SLC34A1: variants seen among roughly 807,000 people sequenced by gnomAD.
SLC34A1 encodes solute carrier family 34 member 1.
In SLC34A1, 57 loss-of-function variants were observed where a neutral mutation model predicts 51.4. The observed-to-expected ratio is 1.11, with a 90% confidence interval of 0.90 to 1.38. The LOEUF (loss-of-function observed/expected upper bound fraction) is 1.38, where lower values mean the gene tolerates loss of function less well. Ranked by LOEUF, SLC34A1 falls within the 40% of genes most tolerant of loss-of-function variation. SLC34A1 has a pLI of 0.00. For synonymous variants in SLC34A1, 368 were observed against 358.0 expected, an observed-to-expected ratio of 1.03 and a Z score of -0.32; for missense variants, 796 against 835.6, an observed-to-expected ratio of 0.95 and a Z score of 0.58.
rs545546226 is a variant in SLC34A1, at chr5:177,398,414, C to T, written c.*128C>T. 3.7e-4 allele frequency: 399 copies of T among 1,090,364 alleles called. 1 individual carries two copies. The highest frequency in any genetic ancestry group is 7.8e-4 in the East Asian group (33 of 42,556). The allele number at this position is 1,090,364 out of a possible 1,614,324, so 67.5% of individuals were successfully genotyped here. ...GTGCCAGTCTCTCCTTCTGTAGCTC[C>T]GCAAAGCTCTGGGCTTGTGTGAGAG... On this transcript the variant is annotated 3_prime_UTR_variant, in exon 13 of 13. Transcript: ENST00000324417. This position sits in a 1 kb window ranked among gnomAD's most constrained non-coding sequence, Gnocchi z 4.7.
intron 10 of SLC34A1, among the ~76,000 whole-genome samples, chr5:177,395,355 C>A (rs950664184): frequency 5.9e-5 from 9 of 152,076 alleles, no homozygotes; most frequent in Admixed American, 1.3e-4. Flanking sequence ...TGAACAGACA[C>A]AAGTAGCCAC....
Position 177,396,134 on chromosome 5 carries a change from A to C in SLC34A1, c.1175-599A>C, listed in dbSNP as rs150225747. 2.3e-3 allele frequency among the ~76,000 whole-genome samples: 350 copies of C among 152,172 alleles called. 4 individuals carry two copies. Among genetic ancestry groups the C allele is most frequent in the African/African-American group, 8.2e-3 (341 of 41,492 alleles). On this transcript the variant is annotated intron_variant, in intron 10 of 12. Transcript: ENST00000324417. The surrounding 1 kb of genome is among the most constrained non-coding windows in gnomAD (Gnocchi z 4.0). ...GGAGGGGCTGCATGACAAGTACTAG[A>C]ATAAGGGGTATCATGGGGCTGTGGG... is the stretch of plus-strand genomic sequence containing the variant.
At position 177,386,358 on chromosome 5, in the gene SLC34A1, CG is replaced by C. The variant is rs1762572314; in HGVS notation, c.388+12del. On this transcript the variant is annotated intron_variant, in intron 4 of 12. Transcript: ENST00000324417. The surrounding 1 kb of genome is among the most constrained non-coding windows in gnomAD (Gnocchi z 4.8). ...CTTCCAGCTGGCTGGAGGTAGGGCC[CG>C]GGTGGAGGAGACCTGGGAGGGGTTC... 6.2e-7 allele frequency: 1 copy of C among 1,614,118 alleles called. No individual in the cohort carries two copies. Among genetic ancestry groups the C allele is most frequent in the African/African-American group, 1.3e-5 (1 of 74,954 alleles).
chr5:177,390,224 A>C lies in SLC34A1; in HGVS notation c.936+1852A>C, dbSNP rs114166872. 1,196 of 993,318 alleles carry C rather than the reference A, an allele frequency of 1.2e-3. 12 individuals are homozygous for C. The African/African-American group carries it at 0.018, about 15-fold the overall frequency. The allele number at this position is 993,318 out of a possible 1,614,324, so 61.5% of individuals were successfully genotyped here. A position where few individuals can be genotyped will look rare whatever the true frequency, so the allele number is the denominator to read the frequency against. On this transcript the variant is annotated intron_variant, in intron 8 of 12. Transcript: ENST00000324417. ...GCACCAGGGAGAGGAGGCAAGTCCAAGGCCTACCAGATGGGGAAAGCAGCA... is the reference window on the plus strand; with the variant it reads ...GCACCAGGGAGAGGAGGCAAGTCCACGGCCTACCAGATGGGGAAAGCAGCA...
chr5:177,393,824 G>A, intron 9 of SLC34A1, 61 bp downstream of exon 9: 1 of 1,567,938 alleles, frequency 6.4e-7, no homozygotes, highest in Non-Finnish European at 8.8e-7. Flanking sequence ...GCAGTGGCAG[G>A]GCAATCCCAC....
At chr5:177,392,921 T>C (rs1484918435) in intron 8 of SLC34A1, among the ~76,000 whole-genome samples, 4 of 152,166 alleles carry the variant, frequency 2.6e-5, no homozygotes, top group Non-Finnish European at 5.9e-5. Context: ...CTGGCCCAGA[T>C]TGGGAGATTT....
rs1762587997 is a variant in SLC34A1 at position 177,386,712 on chromosome 5, C to A, written c.532+146C>A. The A allele has an allele frequency of 1.5e-5, 14 of 941,962 alleles. No homozygotes were observed. Among genetic ancestry groups the A allele is most frequent in the Non-Finnish European group, 1.7e-5 (10 of 605,588 alleles). The allele number at this position is 941,962 out of a possible 1,614,324, so 58.4% of individuals were successfully genotyped here. A position where few individuals can be genotyped will look rare whatever the true frequency, so the allele number is the denominator to read the frequency against. On this transcript the variant is annotated intron_variant, in intron 5 of 12. Transcript: ENST00000324417. This position sits in a 1 kb window ranked among gnomAD's most constrained non-coding sequence, Gnocchi z 4.8. ...AGCCAGGGACATGAGAGGAGCCCAA[C>A]TGTAGCTGTATGTGACCCAGATGAT...
Position 177,397,799 on chromosome 5 carries a change from T to G in SLC34A1, c.1433T>G (p.Phe478Cys). 1 of 1,611,068 alleles carries G rather than the reference T, an allele frequency of 6.2e-7. No individual in the cohort carries two copies. The highest frequency in any genetic ancestry group is 1.1e-5 in the South Asian group (1 of 91,072). The change falls in exon 13 of 13, where the codon TTC becomes TGC. Residue 478 changes from phenylalanine to cysteine, a missense_variant. Phe to Cys is a radical substitution (Grantham distance 205, BLOSUM62 -2). Transcript: ENST00000324417. ...SSAFQIALCHFFFNISGILLW... is the reference protein window; with the variant it reads ...SSAFQIALCHCFFNISGILLW... Reference sequence around the variant, plus strand: ...CCCCTGCAGATTGCCCTCTGTCACTTCTTCTTCAACATCTCGGGTATCCTT... The same window carrying G: ...CCCCTGCAGATTGCCCTCTGTCACTGCTTCTTCAACATCTCGGGTATCCTT...
intron 1 of SLC34A1, among the ~76,000 whole-genome samples, chr5:177,384,862 CA>C (rs56057645): frequency 0.16 from 14,309 of 86,884 alleles, 1,024 homozygotes; most frequent in African/African-American, 0.29. Flanking sequence ...AACTCCATCT[CA>C]AAAAAAAAAA....
At position 177,388,472 on chromosome 5, in the gene SLC34A1, A is replaced by C; in HGVS notation, c.936+100A>C. 1 of 1,043,312 alleles carries C rather than the reference A, an allele frequency of 9.6e-7. No homozygotes were observed. Among genetic ancestry groups the C allele is most frequent in the African/African-American group, 1.6e-5 (1 of 63,798 alleles). The allele number at this position is 1,043,312 out of a possible 1,614,324, so 64.6% of individuals were successfully genotyped here. A position where few individuals can be genotyped will look rare whatever the true frequency, so the allele number is the denominator to read the frequency against. ...TCCAGATAGACCTTGAAGATCATTTAGCCAGGAGAGGGCAAATATGTGGCC... is the reference window on the plus strand; with the variant it reads ...TCCAGATAGACCTTGAAGATCATTTCGCCAGGAGAGGGCAAATATGTGGCC... On this transcript the variant is annotated intron_variant, in intron 8 of 12. Coordinates refer to ENST00000324417, the MANE Select transcript of SLC34A1 (RefSeq NM_003052.5). This position sits in a 1 kb window ranked among gnomAD's most constrained non-coding sequence, Gnocchi z 4.3.
At chr5:177,389,548 A>G in intron 8 of SLC34A1, 1 of 1,500,396 alleles carries the variant, frequency 6.7e-7, no homozygotes, top group Non-Finnish European at 9.0e-7. Flanking sequence ...CGCTGACTTC[A>G]TGACCTCTTT....
Position 177,398,834 on chromosome 5 carries a change from A to ACT in SLC34A1, c.*548_*549insCT. 1 of 163,966 alleles carries ACT rather than the reference A, an allele frequency of 6.1e-6. No homozygotes were observed. The highest frequency in any genetic ancestry group is 1.4e-5 in the Non-Finnish European group (1 of 73,614). 10.2% of individuals were successfully genotyped at this position (163,966 alleles called of 1,614,324 possible). A position where few individuals can be genotyped will look rare whatever the true frequency, so the allele number is the denominator to read the frequency against. On this transcript the variant is annotated 3_prime_UTR_variant, in exon 13 of 13. Coordinates refer to ENST00000324417, the MANE Select transcript of SLC34A1 (RefSeq NM_003052.5). This position sits in a 1 kb window ranked among gnomAD's most constrained non-coding sequence, Gnocchi z 4.7. Reference sequence around the variant, plus strand: ...GATGGAAAAAAAACAAAGGAATTAAAACTCTCCTCAGGCATTCGGAAGTCT... The same window carrying ACT: ...GATGGAAAAAAAACAAAGGAATTAAACTACTCTCCTCAGGCATTCGGAAGTCT...
Position 177,398,224 on chromosome 5 carries a change from C to T in SLC34A1, c.1858C>T (p.Pro620Ser). Residue 620 changes from proline (P) to serine (S), a missense_variant, in exon 13 of 13, where the codon CCC becomes TCC. Transcript: ENST00000324417. The surrounding 1 kb of genome is among the most constrained non-coding windows in gnomAD (Gnocchi z 4.7). ...CCCCAGGGTCTTCCTGGAGGAGCTA[C>T]CCCCTGCCACACCCTCCCCCCGTCT... is the stretch of plus-strand genomic sequence containing the variant. ...LPPRVFLEEL[P>S]PATPSPRLAL... 1 of 1,602,218 alleles carries T rather than the reference C, an allele frequency of 6.2e-7. No individual in the cohort carries two copies. Among genetic ancestry groups the T allele is most frequent in the Non-Finnish European group, 8.5e-7 (1 of 1,179,672 alleles).
In SLC34A1 at chr5:177,387,136, T is replaced by C. The variant is rs570492367; in HGVS notation, c.532+570T>C. Among the ~76,000 whole-genome samples the C allele has an allele frequency of 6.7e-3, 1,020 of 151,118 alleles. 12 individuals are homozygous for C. Among genetic ancestry groups the C allele is most frequent in the African/African-American group, 0.022 (924 of 41,128 alleles). On this transcript the variant is annotated intron_variant, in intron 5 of 12. Coordinates refer to ENST00000324417, the MANE Select transcript of SLC34A1 (RefSeq NM_003052.5). Reference sequence around the variant, plus strand: ...CTGTAATCCCAGCACTTTGGGAGGCTGAGGGGGGCAGATCACGAGGTCAGT... The same window carrying C: ...CTGTAATCCCAGCACTTTGGGAGGCCGAGGGGGGCAGATCACGAGGTCAGT...
At chr5:177,387,301 A>G (rs1417972534) in intron 5 of SLC34A1, among the ~76,000 whole-genome samples, 3 of 152,158 alleles carry the variant, frequency 2.0e-5, no homozygotes, top group Non-Finnish European at 2.9e-5. Flanking sequence ...AGGCTGAGGC[A>G]GGAGAATGGC....
chr5:177,396,835 T>C lies in SLC34A1; in HGVS notation c.1277T>C (p.Ile426Thr). The change falls in exon 11 of 13, where the codon ATC becomes ACC. Residue 426 changes from isoleucine to threonine, a missense_variant. Physicochemically the swap from Ile to Thr is moderately conservative, Grantham distance 89 (BLOSUM62 -1). Transcript: ENST00000324417. The surrounding 1 kb of genome is among the most constrained non-coding windows in gnomAD (Gnocchi z 4.0). The stretch of plus-strand genomic sequence containing the variant: ...AGCAGTTCTGTGTTCACCTCGGCCA[T>C]CACCCCACTCATCGGTGAGTGCCCA... ...VQSSSVFTSAITPLIGLGVIS... is the reference protein window; with the variant it reads ...VQSSSVFTSATTPLIGLGVIS... The C allele has an allele frequency of 2.5e-6, 4 of 1,614,220 alleles. No homozygotes were observed. Among genetic ancestry groups the C allele is most frequent in the Non-Finnish European group, 3.4e-6 (4 of 1,180,042 alleles).
intron 12 of SLC34A1, 33 bp downstream of exon 12, chr5:177,397,107 G>A: frequency 6.2e-7 from 1 of 1,607,566 alleles, no homozygotes; most frequent in Non-Finnish European, 8.5e-7. Context: ...CCTGGGGCAG[G>A]ATGGAGCTGC....
In SLC34A1 at chr5:177,397,886, G is replaced by T. The variant is rs200137299; in HGVS notation, c.1520G>T (p.Arg507Leu). Residue 507 changes from arginine (R) to leucine (L), a missense_variant, in exon 13 of 13, where the codon CGC becomes CTC. Transcript: ENST00000324417. The part of the protein sequence containing the change: ...PIRMAKALGK[R>L]TAKYRWFAVL... ...CGCATGGCCAAGGCGCTGGGGAAAC[G>T]CACGGCCAAGTACCGCTGGTTTGCC... 3 of 1,613,820 alleles carry T rather than the reference G, an allele frequency of 1.9e-6. No homozygotes were observed. In the Admixed American group the frequency reaches 5.0e-5, roughly 27 times the overall value.
At chr5:177,389,926 G>T (rs987606076) in intron 8 of SLC34A1, 2 of 1,420,062 alleles carry the variant, frequency 1.4e-6, no homozygotes, top group African/African-American at 1.4e-5. Context: ...CTTTCTGCAG[G>T]GCAGGGTCTC....
Sources: gnomAD v4.1 joint callset for allele counts (sites outside exome capture counted in the v4.1 genomes callset) on GRCh38, gnomAD v4.1.1 for gene constraint, Gnocchi (gnomAD v3.1) non-coding constraint, MANE v1.5 for transcripts, NCBI Gene and HGNC (gene_info 2026-07-23, HGNC 2026-07-21) for gene names.